Variants in PPP2R5B observed in about 807,000 individuals in gnomAD.
The protein encoded by PPP2R5B is protein phosphatase 2 regulatory subunit B'beta.
A neutral mutation model predicts 59.9 loss-of-function variants in PPP2R5B; 19 were observed. The ratio of observed to expected loss-of-function variants is 0.32; its 90% CI spans 0.22 to 0.47. The LOEUF is 0.47. Ranked by LOEUF, PPP2R5B falls within the 20% of genes least tolerant of loss-of-function variation. PPP2R5B has a pLI of 1.00. For missense variants in PPP2R5B, 441 were observed against 640.2 expected, an observed-to-expected ratio of 0.69 and a Z score of 3.36; for synonymous variants, 286 against 260.5, an observed-to-expected ratio of 1.10 and a Z score of -0.94.
At chr11:64,930,700 A>G in intron 8 of PPP2R5B, 111 bp downstream of exon 8, 1 of 919,210 alleles carries the variant, frequency 1.1e-6, no homozygotes, top group South Asian at 1.5e-5. Flanking sequence ...CTTTGTCTTT[A>G]TAATTCTGTT....
At chr11:64,930,680 A>C in intron 8 of PPP2R5B, 91 bp downstream of exon 8, 1 of 1,064,156 alleles carries the variant, frequency 9.4e-7, no homozygotes, top group East Asian at 2.4e-5. Flanking sequence ...CAGGGATCCT[A>C]TCTCACCTTC....
chr11:64,931,402 T>G lies in PPP2R5B; in HGVS notation c.892-34T>G. 6.2e-7 allele frequency: 1 copy of G among 1,611,614 alleles called. No homozygotes were observed. The highest frequency in any genetic ancestry group is 1.3e-5 in the African/African-American group (1 of 74,994). ...CTTGGCGCCTGGTGCCTTCCTGACC[T>G]GTCTTCCTTCCCTCCACCTGTCACC... On this transcript the variant is annotated intron_variant, in intron 8 of 13. Transcript: ENST00000164133. This position sits in a 1 kb window ranked among gnomAD's most constrained non-coding sequence, Gnocchi z 5.0.
chr11:64,927,943 A>G (rs376545618), intron 4 of PPP2R5B, 40 bp downstream of exon 4: 41 of 1,571,672 alleles, frequency 2.6e-5, no homozygotes, highest in Non-Finnish European at 3.2e-5. Flanking sequence ...AAGTTTCAGA[A>G]GAGATCCAAG....
At chr11:64,922,187 TAA>T (rs199534379), upstream of PPP2R5B, among the ~76,000 whole-genome samples, 1 of 148,214 alleles carries the variant, frequency 6.7e-6, no homozygotes, top group African/African-American at 2.5e-5. Context: ...AAAAAAAAAA[TAA>T]AAAAATAAAA....
Position 64,934,444 on chromosome 11 carries a change from TG to T in PPP2R5B, c.*605del, listed in dbSNP as rs1280343898. 8 of 415,452 alleles carry T rather than the reference TG, an allele frequency of 1.9e-5. No individual in the cohort carries two copies. The highest frequency in any genetic ancestry group is 1.8e-5 in the Non-Finnish European group (4 of 224,672). 25.7% of individuals were successfully genotyped at this position (415,452 alleles called of 1,614,324 possible). ...CATGGTCTACTCCTCTTTCCGTGGC[TG>T]GGGGTAGACTTAATAAAGAGAGAAA... On this transcript the variant is annotated 3_prime_UTR_variant, in exon 14 of 14. Transcript: ENST00000164133.
Position 64,931,909 on chromosome 11 carries a change from T to C in PPP2R5B, c.1116+41T>C. ...GGCGGGGATGGGAGCAGGGCTGGCC[T>C]GGAAAGGTTGGGTAGCTGACCTAAT... On this transcript the variant is annotated intron_variant, in intron 11 of 13. Coordinates refer to ENST00000164133, the MANE Select transcript of PPP2R5B (RefSeq NM_006244.4). The surrounding 1 kb of genome is among the most constrained non-coding windows in gnomAD (Gnocchi z 5.0). 6.3e-7 allele frequency: 1 copy of C among 1,599,882 alleles called. No individual in the cohort carries two copies.
At position 64,929,983 on chromosome 11, in the gene PPP2R5B, G is replaced by A. The variant is rs117597120; in HGVS notation, c.723-339G>A. Among the ~76,000 whole-genome samples, 96 of 152,326 alleles carry A rather than the reference G, an allele frequency of 6.3e-4. 1 individual carries two copies. In the East Asian group the frequency reaches 0.015, roughly 24 times the overall value. ...TGAGTCTTGATTTCTTCATCCATGTGATGGATTTCTTAAGCCCCATCTCCC... is the reference window on the plus strand; with the variant it reads ...TGAGTCTTGATTTCTTCATCCATGTAATGGATTTCTTAAGCCCCATCTCCC... On this transcript the variant is annotated intron_variant, in intron 6 of 13. Transcript: ENST00000164133.
intron 3 of PPP2R5B, among the ~76,000 whole-genome samples, chr11:64,927,514 C>T (rs1945180951): frequency 6.6e-6 from 1 of 152,116 alleles, no homozygotes; most frequent in Admixed American, 6.6e-5. Flanking sequence ...GGTTCAAGAC[C>T]AGCCTGACAG....
Position 64,930,478 on chromosome 11 carries a change from C to T in PPP2R5B, c.783-3C>T, listed in dbSNP as rs111934356. 76,963 of 1,614,074 alleles carry T rather than the reference C, an allele frequency of 0.048. 2,219 individuals are homozygous for T. Among genetic ancestry groups the T allele is most frequent in the Middle Eastern group, 0.084 (511 of 6,062 alleles). The stretch of plus-strand genomic sequence containing the variant: ...CTCTTCCTCTCTTCTGCCTCCTCCT[C>T]AGCATCATCAATGGCTTTGCGCTGC... On this transcript the variant is annotated splice_region_variant and splice_polypyrimidine_tract_variant and intron_variant, in intron 7 of 13. Coordinates refer to ENST00000164133, the MANE Select transcript of PPP2R5B (RefSeq NM_006244.4).
In PPP2R5B at chr11:64,933,651, T is replaced by C. The variant is rs748378468; in HGVS notation, c.1347-46T>C. 11 of 1,528,858 alleles carry C rather than the reference T, an allele frequency of 7.2e-6. No individual in the cohort carries two copies. The South Asian group carries it at 1.4e-4, about 19-fold the overall frequency. The allele number at this position is 1,528,858 out of a possible 1,614,324, so 94.7% of individuals were successfully genotyped here. On this transcript the variant is annotated intron_variant, in intron 13 of 13. Transcript: ENST00000164133. ...GTCTGGACTGTGAGGGAGTCTGGAC[T>C]GTGGGGGGCCCCAGGAAAGGGAGCT...
At position 64,925,614 on chromosome 11, in the gene PPP2R5B, G is replaced by GCCC. The variant is rs56053333; in HGVS notation, c.-113_-111dup. The GCCC allele has an allele frequency of 3.0e-3, 1,338 of 450,856 alleles. 24 individuals are homozygous for GCCC. Among genetic ancestry groups the GCCC allele is most frequent in the South Asian group, 7.3e-3 (309 of 42,414 alleles). The allele number at this position is 450,856 out of a possible 1,614,324, so 27.9% of individuals were successfully genotyped here. The stretch of plus-strand genomic sequence containing the variant: ...GGGGGGGGCCCAGGACTGTGGTTGT[G>GCCC]CCCCCCCCCCAAAGGCCGGACAGGA... On this transcript the variant is annotated 5_prime_UTR_variant, in exon 2 of 14. Transcript: ENST00000164133. This position sits in a 1 kb window ranked among gnomAD's most constrained non-coding sequence, Gnocchi z 4.6.
rs926417109 is a variant in PPP2R5B at position 64,934,397 on chromosome 11, G to A, written c.*553G>A. On this transcript the variant is annotated 3_prime_UTR_variant, in exon 14 of 14. Coordinates refer to ENST00000164133, the MANE Select transcript of PPP2R5B (RefSeq NM_006244.4). Reference sequence around the variant, plus strand: ...AAGAAGAGATTCACAGTGTCCTGGGGTAAGGGGGGGTTCACAGTAATCATG... The same window carrying A: ...AAGAAGAGATTCACAGTGTCCTGGGATAAGGGGGGGTTCACAGTAATCATG... 5 of 353,980 alleles carry A rather than the reference G, an allele frequency of 1.4e-5. No individual in the cohort carries two copies. Among genetic ancestry groups the A allele is most frequent in the African/African-American group, 1.1e-4 (5 of 47,586 alleles). 21.9% of individuals were successfully genotyped at this position (353,980 alleles called of 1,614,324 possible).
At chr11:64,919,342 CAAA>C (rs10718168) in intron 1 of PPP2R5B, among the ~76,000 whole-genome samples, 7 of 145,654 alleles carry the variant, frequency 4.8e-5, no homozygotes, top group African/African-American at 1.8e-4. Flanking sequence ...GATTCTGTCT[CAAA>C]AAAAAAAAAA....
chr11:64,928,395 T>C lies in PPP2R5B; in HGVS notation c.692T>C (p.Ile231Thr). 1 of 1,614,232 alleles carries C rather than the reference T, an allele frequency of 6.2e-7. No homozygotes were observed. Among genetic ancestry groups the C allele is most frequent in the Non-Finnish European group, 8.5e-7 (1 of 1,180,038 alleles). The change falls in exon 6 of 14, where the codon ATC (isoleucine) becomes ACC (threonine). Residue 231 changes from isoleucine to threonine, a missense_variant. Physicochemically the swap from Ile to Thr is moderately conservative, Grantham distance 89. Around this residue, in one of 3 missense-constraint regions of PPP2R5B, gnomAD observed 268 missense variants for 488.1 expected, o/e 0.55. Transcript: ENST00000164133. ...AAGTTCCTGGGTCTCCGGGCCTACA[T>C]CCGCAAACAGTGCAACCACATCTTC... ...YGKFLGLRAY[I>T]RKQCNHIFLR...
At chr11:64,920,652 C>CTTTTGTT (rs1945101465), upstream of PPP2R5B, among the ~76,000 whole-genome samples, 1 of 148,344 alleles carries the variant, frequency 6.7e-6, no homozygotes, top group Non-Finnish European at 1.5e-5. Context: ...TTTTTTGAGA[C>CTTTTGTT]GGAGTCTCGC....
In PPP2R5B at chr11:64,930,412, A is replaced by G. The variant is rs200233899; in HGVS notation, c.782+31A>G. On this transcript the variant is annotated intron_variant, in intron 7 of 13. Coordinates refer to ENST00000164133, the MANE Select transcript of PPP2R5B (RefSeq NM_006244.4). Reference sequence around the variant, plus strand: ...TCTCCCTGGGCCTCAGCTGGAGCTCAGGATTCTGGAAGGAGGGACTGGGGC... The same window carrying G: ...TCTCCCTGGGCCTCAGCTGGAGCTCGGGATTCTGGAAGGAGGGACTGGGGC... The G allele has an allele frequency of 1.9e-6, 3 of 1,613,962 alleles. No individual in the cohort carries two copies. In the African/African-American group the frequency reaches 4.0e-5, roughly 22 times the overall value.
rs554613568 is a variant in PPP2R5B, at chr11:64,925,475, A to T, written c.-260A>T. 2 of 403,624 alleles carry T rather than the reference A, an allele frequency of 5.0e-6. No individual in the cohort carries two copies. Among genetic ancestry groups the T allele is most frequent in the African/African-American group, 4.2e-5 (2 of 47,796 alleles). The allele number at this position is 403,624 out of a possible 1,614,324, so 25.0% of individuals were successfully genotyped here. A position where few individuals can be genotyped will look rare whatever the true frequency, so the allele number is the denominator to read the frequency against. Reference sequence around the variant, plus strand: ...GCCTGACTTCGTTTTCAAAAGAGCCAGGGTGGGAACCCTAACTGGACTCTT... The same window carrying T: ...GCCTGACTTCGTTTTCAAAAGAGCCTGGGTGGGAACCCTAACTGGACTCTT... On this transcript the variant is annotated 5_prime_UTR_variant, in exon 2 of 14. Coordinates refer to ENST00000164133, the MANE Select transcript of PPP2R5B (RefSeq NM_006244.4). This position sits in a 1 kb window ranked among gnomAD's most constrained non-coding sequence, Gnocchi z 4.6.
rs1239688068 is a variant in PPP2R5B, at chr11:64,931,892, T to C, written c.1116+24T>C. 3.1e-6 allele frequency: 5 copies of C among 1,612,578 alleles called. No homozygotes were observed. In the South Asian group the frequency reaches 5.5e-5, roughly 18 times the overall value. ...AGGTATGAGGCAGGACAGGCGGGGATGGGAGCAGGGCTGGCCTGGAAAGGT... is the reference window on the plus strand; with the variant it reads ...AGGTATGAGGCAGGACAGGCGGGGACGGGAGCAGGGCTGGCCTGGAAAGGT... On this transcript the variant is annotated intron_variant, in intron 11 of 13. Transcript: ENST00000164133. The surrounding 1 kb of genome is among the most constrained non-coding windows in gnomAD (Gnocchi z 5.0).
chr11:64,926,255 G>A (rs530220317), intron 2 of PPP2R5B, among the ~76,000 whole-genome samples: 2 of 152,346 alleles, frequency 1.3e-5, no homozygotes, highest in South Asian at 2.1e-4. Flanking sequence ...TGGAGCAGGC[G>A]CTTGGCAGGG....
Sources: allele counts gnomAD v4.1 joint callset (sites outside exome capture counted in the v4.1 genomes callset), GRCh38; gene constraint gnomAD v4.1.1; regional missense constraint gnomAD v4.1.1; non-coding constraint Gnocchi (gnomAD v3.1); transcripts MANE v1.5; gene names NCBI Gene and HGNC (gene_info 2026-07-23, HGNC 2026-07-21).